Variants in PCDH11Y observed in about 807,000 individuals in gnomAD.
PCDH11Y encodes the protein protocadherin-11 Y-linked.
For synonymous variants in PCDH11Y, 9 were observed against 83.6 expected, an observed-to-expected ratio of 0.11 and a Z score of 4.87; for missense variants, 12 against 224.8, an observed-to-expected ratio of 0.05 and a Z score of 6.05.
At chrY:5,123,303 GC>G (rs2052821283) in intron 2 of PCDH11Y, among the ~76,000 whole-genome samples, 8 of 33,271 alleles carry the variant, frequency 2.4e-4, no homozygotes, top group Non-Finnish European at 3.0e-4. Flanking sequence ...GATATAACAG[GC>G]ACTTGATAAG....
intron 2 of PCDH11Y, among the ~76,000 whole-genome samples, chrY:5,457,232 A>G (rs2053299196): frequency 3.0e-5 from 1 of 33,569 alleles, no homozygotes; most frequent in Non-Finnish European, 7.4e-5. Flanking sequence ...TTTGAAACTC[A>G]AATAGCTGTC....
At chrY:5,149,591 C>G (rs2052862071) in intron 2 of PCDH11Y, among the ~76,000 whole-genome samples, 1 of 30,107 alleles carries the variant, frequency 3.3e-5, no homozygotes, top group African/African-American at 1.3e-4. Flanking sequence ...CACACACACA[C>G]ACACACACAC....
At chrY:5,308,091 C>G in intron 2 of PCDH11Y, among the ~76,000 whole-genome samples, 1 of 33,311 alleles carries the variant, frequency 3.0e-5, no homozygotes, top group African/African-American at 1.2e-4. Context: ...AAAATTATAG[C>G]ACTTTATTTT....
intron 2 of PCDH11Y, among the ~76,000 whole-genome samples, chrY:5,245,522 G>A (rs1602892767): frequency 3.2e-5 from 1 of 31,342 alleles, no homozygotes; most frequent in East Asian, 8.6e-4. Context: ...ACAGAAGAGG[G>A]ACCTAACCAT....
intron 4 of PCDH11Y, among the ~76,000 whole-genome samples, chrY:5,632,394 T>G (rs2124703834): frequency 3.3e-5 from 1 of 30,011 alleles, no homozygotes; most frequent in East Asian, 8.7e-4. Flanking sequence ...TTTGAATAAC[T>G]TAAAAGTTTC....
At chrY:5,080,625 A>G (rs2052717668) in intron 1 of PCDH11Y, among the ~76,000 whole-genome samples, 64 of 33,288 alleles carry the variant, frequency 1.9e-3, no homozygotes, top group South Asian at 6.1e-3. Context: ...TCTAGTGATC[A>G]GTGATATTGA....
chrY:5,074,895 G>A, intron 1 of PCDH11Y, among the ~76,000 whole-genome samples: 4 of 31,991 alleles, frequency 1.3e-4, no homozygotes, highest in Admixed American at 1.2e-3. Flanking sequence ...GAGTATATTG[G>A]TATATGTATT....
chrY:5,327,527 A>T (rs1403184402), intron 2 of PCDH11Y, among the ~76,000 whole-genome samples: 17 of 33,084 alleles, frequency 5.1e-4, no homozygotes, highest in Non-Finnish European at 1.2e-3. Flanking sequence ...GTGCTGTGGG[A>T]TGGGATATTG....
chrY:5,283,056 G>T (rs2053055932), intron 2 of PCDH11Y, among the ~76,000 whole-genome samples: 1 of 33,467 alleles, frequency 3.0e-5, no homozygotes, highest in Non-Finnish European at 7.4e-5. Flanking sequence ...ATAAGAAGTT[G>T]CAAATGCTAT....
chrY:5,363,828 T>C (rs2053177348), intron 2 of PCDH11Y, among the ~76,000 whole-genome samples: 1 of 29,405 alleles, frequency 3.4e-5, no homozygotes, highest in African/African-American at 1.3e-4. Flanking sequence ...AACAAGTCTT[T>C]TTCTTTTTCT....
At chrY:5,277,877 G>A (rs2124660290) in intron 2 of PCDH11Y, among the ~76,000 whole-genome samples, 1 of 32,085 alleles carries the variant, frequency 3.1e-5, no homozygotes, top group East Asian at 8.0e-4. Flanking sequence ...ACAGACAGCA[G>A]CATGATAATA....
At chrY:5,313,221 G>T (rs2053103667) in intron 2 of PCDH11Y, among the ~76,000 whole-genome samples, 1 of 33,095 alleles carries the variant, frequency 3.0e-5, no homozygotes, top group Non-Finnish European at 7.5e-5. Context: ...TGATTTATCA[G>T]CAAGTTTTGA....
intron 3 of PCDH11Y, among the ~76,000 whole-genome samples, chrY:5,525,253 GGAAGAAGAA>G (rs775653259): frequency 1.6e-4 from 1 of 6,414 alleles, no homozygotes; most frequent in Non-Finnish European, 3.2e-4. Flanking sequence ...GGTAGGAGGA[GGAAGAAGAA>G]GAAGAAGAAG....
At chrY:5,675,577 G>A in intron 4 of PCDH11Y, among the ~76,000 whole-genome samples, 1 of 33,817 alleles carries the variant, frequency 3.0e-5, no homozygotes, top group Non-Finnish European at 7.3e-5. Flanking sequence ...TCAAAAGCAA[G>A]TTAGTTATTT....
chrY:5,260,039 C>T (rs1282224467), intron 2 of PCDH11Y, among the ~76,000 whole-genome samples: 7 of 21,945 alleles, frequency 3.2e-4, no homozygotes, highest in Non-Finnish European at 6.1e-4. Context: ...TGTAAGGTTT[C>T]GACTGAAAAG....
intron 2 of PCDH11Y, among the ~76,000 whole-genome samples, chrY:5,370,976 AG>A (rs2053186358): frequency 5.1e-4 from 16 of 31,651 alleles, no homozygotes; most frequent in African/African-American, 1.9e-3. Flanking sequence ...CATAAAACCT[AG>A]GAGACATTCT....
At chrY:5,230,475 C>T (rs2052966863) in intron 2 of PCDH11Y, among the ~76,000 whole-genome samples, 1 of 33,180 alleles carries the variant, frequency 3.0e-5, no homozygotes, top group Non-Finnish European at 7.4e-5. Context: ...CCACTCTCCC[C>T]TTGCCTGTAA....
At chrY:5,602,463 CTAAT>C (rs2053473555) in intron 4 of PCDH11Y, among the ~76,000 whole-genome samples, 2 of 32,839 alleles carry the variant, frequency 6.1e-5, no homozygotes, top group Non-Finnish European at 1.5e-4. Flanking sequence ...GCTTAAATAA[CTAAT>C]TAGGCTTGGG....
intron 2 of PCDH11Y, among the ~76,000 whole-genome samples, chrY:5,115,972 C>T (rs9785790): frequency 0.2 from 6,352 of 31,918 alleles, no homozygotes; most frequent in African/African-American, 0.64. Context: ...GATCTCCTGA[C>T]CTCGTGATCC....
Sources: allele counts gnomAD v4.1 joint callset (sites outside exome capture counted in the v4.1 genomes callset), GRCh38; gene constraint gnomAD v4.1.1; transcripts MANE v1.5; gene names NCBI Gene and HGNC (gene_info 2026-07-23, HGNC 2026-07-21).